The following ITGA2 variants were observed in gnomAD, a reference collection of about 807,000 sequenced individuals.
ITGA2 encodes the protein integrin alpha-2.
Under a neutral mutation model 146.3 loss-of-function variants are expected in ITGA2, and 101 were observed. The ratio of observed to expected loss-of-function variants is 0.69; its 90% CI spans 0.59 to 0.81. The LOEUF (loss-of-function observed/expected upper bound fraction) is 0.81, where lower values mean the gene tolerates loss of function less well. ITGA2 is among the 40% of genes least tolerant of loss of function. ITGA2 has a pLI of 0.00. For synonymous variants in ITGA2, 477 were observed against 487.1 expected (o/e 0.98, Z 0.27); for missense variants, 1,281 against 1,402.7 (o/e 0.91, Z 1.39).
intron 3 of ITGA2, among the ~76,000 whole-genome samples, chr5:53,043,026 T>C (rs532359339): frequency 5.0e-4 from 76 of 152,280 alleles, no homozygotes; most frequent in Middle Eastern, 3.4e-3. Context: ...GAATAATTTA[T>C]GGCACATAAT....
rs774986550 is a variant in ITGA2, at chr5:53,083,381, G to GA, written c.3189dup (p.Asp1064ArgfsTer11). On this transcript the variant is annotated frameshift_variant, in exon 27 of 30. Coordinates refer to ENST00000296585, the MANE Select transcript of ITGA2 (RefSeq NM_002203.4). LOFTEE classifies it high-confidence loss of function. Reference sequence around the variant, plus strand: ...CCTGTAGTAATGTTACCTGCTGGTTGAAAGACGTTCACATGAAAGGAGAAT... The same window carrying GA: ...CCTGTAGTAATGTTACCTGCTGGTTGAAAAGACGTTCACATGAAAGGAGAAT... 2 of 1,613,718 alleles carry GA rather than the reference G, an allele frequency of 1.2e-6. No individual in the cohort carries two copies. Among genetic ancestry groups the GA allele is most frequent in the Non-Finnish European group, 1.7e-6 (2 of 1,179,686 alleles).
At chr5:53,062,056 C>T (rs559172371) in intron 12 of ITGA2, among the ~76,000 whole-genome samples, 18 of 151,862 alleles carry the variant, frequency 1.2e-4, no homozygotes, top group Admixed American at 3.3e-4. Context: ...ATGCATTGAA[C>T]GTTGTTGAAT....
chr5:53,060,684 G>T (rs1744863923), intron 11 of ITGA2, among the ~76,000 whole-genome samples: 1 of 151,918 alleles, frequency 6.6e-6, no homozygotes, highest in Non-Finnish European at 1.5e-5. Flanking sequence ...TTTATAGGTA[G>T]AAGTCCCACC....
chr5:53,050,836 A>G (rs1475909902), intron 6 of ITGA2, among the ~76,000 whole-genome samples: 3 of 152,216 alleles, frequency 2.0e-5, no homozygotes, highest in African/African-American at 7.2e-5. Context: ...CCCCATATGC[A>G]CATATAGCAT....
intron 17 of ITGA2, among the ~76,000 whole-genome samples, chr5:53,071,673 C>CT (rs1745404194): frequency 2.0e-5 from 3 of 152,016 alleles, no homozygotes; most frequent in African/African-American, 7.2e-5. Flanking sequence ...AACTGATGAG[C>CT]TTAACTAAGA....
intron 16 of ITGA2, 143 bp downstream of exon 16, chr5:53,067,400 C>A: frequency 1.2e-6 from 1 of 831,654 alleles, no homozygotes; most frequent in Non-Finnish European, 2.0e-6. Context: ...TGGAGATGCC[C>A]GAGAATGGTT....
At chr5:53,015,008 G>T (rs1209125141) in intron 1 of ITGA2, among the ~76,000 whole-genome samples, 3 of 151,810 alleles carry the variant, frequency 2.0e-5, no homozygotes, top group Non-Finnish European at 4.4e-5. Context: ...AGTCTAGCTA[G>T]CAGTCTATCT....
At chr5:53,043,376 A>C (rs1255448936) in intron 3 of ITGA2, among the ~76,000 whole-genome samples, 1 of 152,172 alleles carries the variant, frequency 6.6e-6, no homozygotes, top group Non-Finnish European at 1.5e-5. Flanking sequence ...ATATACATGT[A>C]CTGGCCTATC....
At chr5:53,057,222 T>TG (rs1744681550) in intron 9 of ITGA2, among the ~76,000 whole-genome samples, 1 of 152,004 alleles carries the variant, frequency 6.6e-6, no homozygotes, top group African/African-American at 2.4e-5. Context: ...TTATGGACTT[T>TG]GGGGAACATT....
chr5:53,003,804 GTTTTCT>G (rs750966696), intron 1 of ITGA2, among the ~76,000 whole-genome samples: 10 of 152,030 alleles, frequency 6.6e-5, no homozygotes, highest in Non-Finnish European at 1.0e-4. Flanking sequence ...ACCATTCATT[GTTTTCT>G]TTTTCTTTTT....
intron 2 of ITGA2, among the ~76,000 whole-genome samples, chr5:53,040,045 C>T (rs141260641): frequency 1.3e-5 from 2 of 151,892 alleles, no homozygotes; most frequent in African/African-American, 2.4e-5. Flanking sequence ...AGGGTTACCT[C>T]GAGTTAAAAG....
intron 23 of ITGA2, among the ~76,000 whole-genome samples, chr5:53,077,591 A>T (rs142508236): frequency 5.3e-5 from 8 of 152,200 alleles, no homozygotes; most frequent in Admixed American, 1.3e-4. Context: ...TCTGGAAGGC[A>T]TAGGAAATAA....
At chr5:53,019,491 A>G (rs1192466217) in intron 1 of ITGA2, among the ~76,000 whole-genome samples, 1 of 152,106 alleles carries the variant, frequency 6.6e-6, no homozygotes, top group Non-Finnish European at 1.5e-5. Flanking sequence ...TATCAGATCA[A>G]CAGTCATGGT....
At chr5:53,025,001 C>A (rs1742872326) in intron 1 of ITGA2, among the ~76,000 whole-genome samples, 1 of 152,116 alleles carries the variant, frequency 6.6e-6, no homozygotes, top group African/African-American at 2.4e-5. Flanking sequence ...AAAATGAACT[C>A]CATCATAATT....
intron 1 of ITGA2, among the ~76,000 whole-genome samples, chr5:53,024,576 T>C (rs1268058072): frequency 6.6e-6 from 1 of 152,192 alleles, no homozygotes; most frequent in Non-Finnish European, 1.5e-5. Context: ...TTTTGGATAA[T>C]TGCTCTAGTA....
chr5:53,080,759 C>T, intron 25 of ITGA2, 138 bp downstream of exon 25: 1 of 684,082 alleles, frequency 1.5e-6, no homozygotes, highest in Non-Finnish European at 2.6e-6. Context: ...AACTGACTAG[C>T]AGTTAATTTC....
chr5:52,998,376 C>T (rs1267976380), intron 1 of ITGA2, among the ~76,000 whole-genome samples: 1 of 152,060 alleles, frequency 6.6e-6, no homozygotes, highest in Non-Finnish European at 1.5e-5. Flanking sequence ...ATTGCTTGAA[C>T]CTGGGAGGCG....
chr5:53,074,526 A>G (rs1180763449), intron 21 of ITGA2, 49 bp downstream of exon 21: 12 of 1,366,722 alleles, frequency 8.8e-6, no homozygotes, highest in East Asian at 2.3e-5. Context: ...TCCTTAGCAC[A>G]TATGCTAATT....
intron 16 of ITGA2, 23 bp downstream of exon 16, chr5:53,067,280 G>T (rs1745193849): frequency 6.2e-7 from 1 of 1,610,644 alleles, no homozygotes; most frequent in Non-Finnish European, 8.5e-7. Context: ...GAAATAATCT[G>T]TATAGAAATT....
Sources: allele counts gnomAD v4.1 joint callset (sites outside exome capture counted in the v4.1 genomes callset), GRCh38; gene constraint gnomAD v4.1.1; transcripts MANE v1.5; gene names NCBI Gene and HGNC (gene_info 2026-07-23, HGNC 2026-07-21).